The following RYR3 variants were observed in gnomAD, a reference collection of about 807,000 sequenced individuals.
RYR3 encodes the protein brain ryanodine receptor-calcium release channel.
A neutral mutation model predicts 584.3 loss-of-function variants in RYR3; 207 were observed. The observed-to-expected ratio is 0.35, with a 90% CI of 0.32 to 0.40. The LOEUF is 0.40. Among genes scored for constraint, RYR3 ranks in the 10% least tolerant of loss-of-function variants. The pLI is 1.00. For missense variants in RYR3, 5,616 were observed against 6,089.2 expected, an observed-to-expected ratio of 0.92 and a Z score of 2.59; for synonymous variants, 2,416 against 2,248.5, an observed-to-expected ratio of 1.07 and a Z score of -2.11.
chr15:33,352,892 C>T (rs1973467474), intron 1 of RYR3, among the ~76,000 whole-genome samples: 1 of 152,122 alleles, frequency 6.6e-6, no homozygotes, highest in African/African-American at 2.4e-5. Flanking sequence ...ACTTAACACA[C>T]GAGGACGATG....
chr15:33,398,868 G>A (rs1251961431), intron 1 of RYR3, among the ~76,000 whole-genome samples: 1 of 152,224 alleles, frequency 6.6e-6, no homozygotes, highest in African/African-American at 2.4e-5. Context: ...GTCTCTGACA[G>A]CCTGGGTACC....
At chr15:33,810,360 G>A (rs560562477) in intron 70 of RYR3, 119 bp from the exon 71 acceptor site, 5 of 901,144 alleles carry the variant, frequency 5.5e-6, no homozygotes, top group South Asian at 1.7e-5. Context: ...CCTTTGAAGT[G>A]TAGTAAGGCC....
At position 33,319,931 on chromosome 15, in the gene RYR3, G is replaced by A. The variant is rs1013804169; in HGVS notation, c.51+8835G>A. Among the ~76,000 whole-genome samples, 4 of 152,118 alleles carry A rather than the reference G, an allele frequency of 2.6e-5. No individual in the cohort carries two copies. The South Asian group carries it at 6.2e-4, about 24-fold the overall frequency. On this transcript the variant is annotated intron_variant, in intron 1 of 103. Transcript: ENST00000634891. ...TTCTCAGGTACCTACAGATTGGAAA[G>A]TTCACAAATCTAAACACTTTGGGGT...
chr15:33,629,321 T>C lies in RYR3; in HGVS notation c.2680-619T>C, dbSNP rs1169804840. On this transcript the variant is annotated intron_variant, in intron 21 of 103. Coordinates refer to ENST00000634891, the MANE Select transcript of RYR3 (RefSeq NM_001036.6). The stretch of plus-strand genomic sequence containing the variant: ...ACATGTACTTGAAGTGTGACTAGTT[T>C]GGATTGAGATGTACTAAAAGTGTAA... 2.6e-5 allele frequency among the ~76,000 whole-genome samples: 4 copies of C among 152,244 alleles called. No homozygotes were observed. In the East Asian group the frequency reaches 7.7e-4, roughly 29 times the overall value.
chr15:33,389,083 G>A (rs916601161), intron 1 of RYR3, among the ~76,000 whole-genome samples: 4 of 117,258 alleles, frequency 3.4e-5, no homozygotes, highest in African/African-American at 1.3e-4. Flanking sequence ...GTTTTGGGGT[G>A]GGGGGAGGGG....
chr15:33,855,450 C>T (rs564332060), intron 98 of RYR3, among the ~76,000 whole-genome samples: 10 of 152,328 alleles, frequency 6.6e-5, no homozygotes, highest in South Asian at 2.1e-4. Flanking sequence ...GTGATCCACC[C>T]GCCTCGGCCT....
chr15:33,857,905 C>T lies in RYR3; in HGVS notation c.14133C>T (p.Asp4711=). Residue 4711 remains aspartate, a synonymous_variant, in exon 99 of 104, where the codon GAC becomes GAT. Coordinates refer to ENST00000634891, the MANE Select transcript of RYR3 (RefSeq NM_001036.6). ...ACGAGCCCGATATGAAGTGCGACGA[C>T]ATGATGACGGTGAGAGCCCACCCAC... The part of the protein sequence containing the change: ...DDDEPDMKCD[D]MMTCYLFHMY... The T allele has an allele frequency of 1.9e-6, 3 of 1,614,138 alleles. No homozygotes were observed. The highest frequency in any genetic ancestry group is 1.7e-6 in the Non-Finnish European group (2 of 1,180,014).
chr15:33,730,538 G>C (rs949874393), intron 47 of RYR3, among the ~76,000 whole-genome samples: 1 of 152,144 alleles, frequency 6.6e-6, no homozygotes, highest in African/African-American at 2.4e-5. Context: ...ATAATTTATA[G>C]GAACAATGAG....
intron 70 of RYR3, among the ~76,000 whole-genome samples, chr15:33,808,848 C>G (rs114566845): frequency 6.6e-6 from 1 of 152,100 alleles, no homozygotes. Context: ...ACTGCCCCTC[C>G]CACTGCTGTC....
chr15:33,725,897 G>A (rs1288098873), intron 45 of RYR3, among the ~76,000 whole-genome samples: 1 of 149,888 alleles, frequency 6.7e-6, no homozygotes, highest in African/African-American at 2.5e-5. Flanking sequence ...GTGAACCTGG[G>A]AGGCGGAGCT....
intron 2 of RYR3, among the ~76,000 whole-genome samples, chr15:33,496,053 A>G (rs888518184): frequency 1.6e-4 from 24 of 152,164 alleles, no homozygotes; most frequent in African/African-American, 5.6e-4. Context: ...GGTCTTATCC[A>G]GTTCCACTGT....
intron 16 of RYR3, among the ~76,000 whole-genome samples, chr15:33,589,293 T>G (rs1272477381): frequency 6.6e-6 from 1 of 152,212 alleles, no homozygotes; most frequent in Non-Finnish European, 1.5e-5. Flanking sequence ...TGCTCACTTT[T>G]TAATGGGATT....
In RYR3 at chr15:33,738,437, C is replaced by T; in HGVS notation, c.7516-13C>T. The T allele has an allele frequency of 6.2e-7, 1 of 1,609,066 alleles. No individual in the cohort carries two copies. The highest frequency in any genetic ancestry group is 8.5e-7 in the Non-Finnish European group (1 of 1,177,328). The stretch of plus-strand genomic sequence containing the variant: ...TGCCACCCCGCTGGTCTGTCCTGTT[C>T]TGCACCTCCCAGCTTCTGACGAATC... On this transcript the variant is annotated splice_polypyrimidine_tract_variant and intron_variant, in intron 49 of 103. Coordinates refer to ENST00000634891, the MANE Select transcript of RYR3 (RefSeq NM_001036.6).
rs757849692 is a variant in RYR3 at position 33,623,829 on chromosome 15, C to T, written c.2380C>T (p.Arg794Cys). The T allele has an allele frequency of 6.8e-6, 11 of 1,612,528 alleles. No individual in the cohort carries two copies. The highest frequency in any genetic ancestry group is 1.1e-5 in the South Asian group (1 of 91,048). Residue 794 changes from arginine to cysteine, a missense_variant, in exon 20 of 104, where the codon CGT becomes TGT. Arg to Cys is a radical substitution (Grantham distance 180). This residue lies in a region of RYR3 where 1,284 missense variants were observed against 1,344.6 expected (regional missense o/e 0.95). Coordinates refer to ENST00000634891, the MANE Select transcript of RYR3 (RefSeq NM_001036.6). ...GVKVRFLMGGRHGEFKFLPPS... is the reference protein window; with the variant it reads ...GVKVRFLMGGCHGEFKFLPPS... ...CAGAGTACGTTTCCTGATGGGTGGA[C>T]GTCATGGAGAGTTTAAGTTCCTGCC...
chr15:33,417,132 C>T (rs914773954), intron 1 of RYR3, among the ~76,000 whole-genome samples: 1 of 152,042 alleles, frequency 6.6e-6, no homozygotes. Context: ...GTGATGTCTC[C>T]AGCTTTTTTC....
At chr15:33,622,242 C>G (rs1380294903) in intron 19 of RYR3, among the ~76,000 whole-genome samples, 1 of 152,192 alleles carries the variant, frequency 6.6e-6, no homozygotes, top group Middle Eastern at 3.2e-3. Flanking sequence ...CCTGATACAG[C>G]CCTACCACTC....
At chr15:33,488,316 C>T (rs544150607) in intron 2 of RYR3, among the ~76,000 whole-genome samples, 58 of 152,310 alleles carry the variant, frequency 3.8e-4, no homozygotes, top group Non-Finnish European at 7.5e-4. Flanking sequence ...AATAGGTATT[C>T]ATACATAGGC....
At chr15:33,608,894 G>A (rs2060035675) in intron 18 of RYR3, among the ~76,000 whole-genome samples, 2 of 152,186 alleles carry the variant, frequency 1.3e-5, no homozygotes, top group African/African-American at 4.8e-5. Context: ...CCAGACGGGG[G>A]AAATTCTCCC....
At chr15:33,723,025 C>G (rs1412718334) in intron 44 of RYR3, 130 bp downstream of exon 44, 4 of 806,608 alleles carry the variant, frequency 5.0e-6, no homozygotes, top group Non-Finnish European at 7.7e-6. Context: ...AACATTGACC[C>G]TTCATCGAGA....
Sources: allele counts gnomAD v4.1 joint callset (sites outside exome capture counted in the v4.1 genomes callset), GRCh38; gene constraint gnomAD v4.1.1; regional missense constraint gnomAD v4.1.1; transcripts MANE v1.5; gene names NCBI Gene and HGNC (gene_info 2026-07-23, HGNC 2026-07-21).